The following SPICE1 variants were observed in gnomAD, a reference collection of about 807,000 sequenced individuals.
The protein encoded by SPICE1 is spindle and centriole associated protein 1, also known as spindle and centriole-associated protein 1.
A neutral mutation model predicts 102.7 loss-of-function variants in SPICE1; 75 were observed. That is an observed-to-expected ratio of 0.73 (90% CI 0.61 to 0.88). SPICE1 has a LOEUF of 0.88. Among genes scored for constraint, SPICE1 ranks in the 40% least tolerant of loss-of-function variants. SPICE1 has a pLI of 0.00. For synonymous variants in SPICE1, 308 were observed against 350.3 expected (o/e 0.88, Z 1.35); for missense variants, 979 against 1,020.1 (o/e 0.96, Z 0.55).
intron 7 of SPICE1, among the ~76,000 whole-genome samples, chr3:113,474,857 C>A (rs1221615976): frequency 6.6e-6 from 1 of 151,666 alleles, no homozygotes; most frequent in Admixed American, 6.6e-5. Flanking sequence ...AAATTGACAC[C>A]CTAACATCAC....
chr3:113,471,024 A>T (rs1576630810), intron 7 of SPICE1, among the ~76,000 whole-genome samples: 1 of 152,138 alleles, frequency 6.6e-6, no homozygotes, highest in Non-Finnish European at 1.5e-5. Flanking sequence ...AGATGATGAG[A>T]TTTGGGACTT....
In SPICE1 at chr3:113,494,744, TAA is replaced by T. The variant is rs991126886; in HGVS notation, c.292-604_292-603del. Among the ~76,000 whole-genome samples the T allele has an allele frequency of 7.4e-4, 112 of 152,156 alleles. 1 individual carries two copies. The highest frequency in any genetic ancestry group is 4.3e-3 in the Admixed American group (66 of 15,290). ...TAATTAAATAAAAAGTTAATTAAAA[TAA>T]AAGTTTTAATTAACCTTGCTCCATG... On this transcript the variant is annotated intron_variant, in intron 4 of 17. Coordinates refer to ENST00000295872, the MANE Select transcript of SPICE1 (RefSeq NM_144718.4).
At chr3:113,458,196 CCG>C (rs147766732) in intron 12 of SPICE1, among the ~76,000 whole-genome samples, 1 of 69,074 alleles carries the variant, frequency 1.4e-5, no homozygotes, top group Non-Finnish European at 2.6e-5. Context: ...TCTCCCTCTC[CCG>C]TCTCCCTCTC....
chr3:113,472,620 C>T (rs940318056), intron 7 of SPICE1, among the ~76,000 whole-genome samples: 7 of 152,286 alleles, frequency 4.6e-5, no homozygotes, highest in East Asian at 1.9e-4. Flanking sequence ...GCAGCATTCG[C>T]GGTTCACGAA....
At chr3:113,463,084 C>A (rs1436846002) in intron 11 of SPICE1, among the ~76,000 whole-genome samples, 2 of 152,206 alleles carry the variant, frequency 1.3e-5, no homozygotes, top group Admixed American at 6.5e-5. Context: ...TCTCAGCTAC[C>A]CACATGCTCA....
chr3:113,496,983 T>C (rs1236637496), intron 4 of SPICE1, among the ~76,000 whole-genome samples: 2 of 152,350 alleles, frequency 1.3e-5, no homozygotes, highest in Admixed American at 1.3e-4. Context: ...ACTACTTAAG[T>C]ATCCAGCAAT....
At chr3:113,505,907 T>C (rs1450391269) in intron 2 of SPICE1, among the ~76,000 whole-genome samples, 2 of 151,640 alleles carry the variant, frequency 1.3e-5, no homozygotes, top group Non-Finnish European at 2.9e-5. Context: ...CCCTGTCTCT[T>C]AAAAAAAAGA....
intron 7 of SPICE1, among the ~76,000 whole-genome samples, chr3:113,484,003 G>T (rs1208230107): frequency 6.6e-6 from 1 of 152,118 alleles, no homozygotes; most frequent in African/African-American, 2.4e-5. Context: ...AATCTGCCTG[G>T]TCCTGGACTT....
At chr3:113,465,805 A>G in intron 10 of SPICE1, 21 bp from the exon 11 acceptor site, 1 of 1,604,918 alleles carries the variant, frequency 6.2e-7, no homozygotes, top group Non-Finnish European at 8.5e-7. Context: ...ATATCAAATA[A>G]ACTTCCACCA....
chr3:113,495,014 G>A (rs1936852594), intron 4 of SPICE1, among the ~76,000 whole-genome samples: 1 of 152,176 alleles, frequency 6.6e-6, no homozygotes, highest in Admixed American at 6.5e-5. Flanking sequence ...TAAGATATGA[G>A]TTTTAGCATT....
rs368859965 is a variant in SPICE1 at position 113,459,887 on chromosome 3, GAAAA to G, written c.1435+726_1435+729del. The G allele has an allele frequency of 1.8e-5, 15 of 856,640 alleles. No homozygotes were observed. In the African/African-American group the frequency reaches 3.2e-4, roughly 18 times the overall value. 53.1% of individuals were successfully genotyped at this position (856,640 alleles called of 1,614,324 possible). On this transcript the variant is annotated intron_variant, in intron 12 of 17. Transcript: ENST00000295872. ...ACAGAGCGAAACTCCATCTCAAAAAGAAAAAAAAAAAAAAAATAGCAAGACTCCA... is the reference window on the plus strand; with the variant it reads ...ACAGAGCGAAACTCCATCTCAAAAAGAAAAAAAAAAAATAGCAAGACTCCA...
At chr3:113,506,372 C>T in intron 2 of SPICE1, 135 bp downstream of exon 2, 2 of 674,716 alleles carry the variant, frequency 3.0e-6, no homozygotes, top group Non-Finnish European at 2.5e-6. Flanking sequence ...TAGAATATCA[C>T]ATGCCCAGAA....
intron 7 of SPICE1, among the ~76,000 whole-genome samples, chr3:113,475,734 A>C (rs1280666996): frequency 6.6e-6 from 1 of 152,200 alleles, no homozygotes. Context: ...AAATTCAACA[A>C]TGCTTCATGC....
At chr3:113,492,879 T>C (rs1936795947) in intron 6 of SPICE1, among the ~76,000 whole-genome samples, 3 of 152,200 alleles carry the variant, frequency 2.0e-5, no homozygotes, top group Admixed American at 2.0e-4. Flanking sequence ...CCACATGGCC[T>C]AGATTTGAAT....
chr3:113,464,573 A>G (rs1048218086), intron 11 of SPICE1, among the ~76,000 whole-genome samples: 1 of 152,194 alleles, frequency 6.6e-6, no homozygotes, highest in African/African-American at 2.4e-5. Flanking sequence ...TCAATTTTAA[A>G]AAATTATACA....
chr3:113,460,713 T>G lies in SPICE1; in HGVS notation c.1339A>C (p.Thr447Pro), dbSNP rs371137275. The G allele has an allele frequency of 6.2e-7, 1 of 1,613,476 alleles. No homozygotes were observed. Among genetic ancestry groups the G allele is most frequent in the African/African-American group, 1.3e-5 (1 of 74,896 alleles). ...VTTDEQLISL[T>P]HAIKNCPVIN... ...ACAGGACAGTTCTTAATAGCATGTG[T>G]GAGTGATATCAGTTGCTCATCTGTT... Residue 447 changes from threonine to proline, a missense_variant, in exon 12 of 18, where the codon ACA (threonine) becomes CCA (proline). Physicochemically the swap from Thr to Pro is conservative, Grantham distance 38. Transcript: ENST00000295872.
chr3:113,471,987 C>T (rs1399614856), intron 7 of SPICE1, among the ~76,000 whole-genome samples: 1 of 152,206 alleles, frequency 6.6e-6, no homozygotes, highest in Non-Finnish European at 1.5e-5. Context: ...CAGGGCAAGG[C>T]ATTGCCTCAC....
chr3:113,505,881 G>A (rs1937098756), intron 2 of SPICE1, among the ~76,000 whole-genome samples: 1 of 152,064 alleles, frequency 6.6e-6, no homozygotes, highest in Admixed American at 6.5e-5. Context: ...ACTCCAGCCT[G>A]GGTGACAGGA....
intron 7 of SPICE1, among the ~76,000 whole-genome samples, chr3:113,477,116 T>G (rs1440774220): frequency 6.6e-6 from 1 of 151,938 alleles, no homozygotes; most frequent in Admixed American, 6.6e-5. Context: ...CATCAAAAAG[T>G]GGGCAAAGGA....
Sources: gnomAD v4.1 joint callset for allele counts (sites outside exome capture counted in the v4.1 genomes callset) on GRCh38, gnomAD v4.1.1 for gene constraint, MANE v1.5 for transcripts, NCBI Gene and HGNC (gene_info 2026-07-23, HGNC 2026-07-21) for gene names.